The following HIBCH variants were observed in gnomAD, a reference collection of about 807,000 sequenced individuals.
HIBCH encodes the protein 3-hydroxyisobutyryl-CoA hydrolase.
A neutral mutation model predicts 58.2 loss-of-function variants in HIBCH; 50 were observed. The ratio of observed to expected loss-of-function variants is 0.86; its 90% CI spans 0.68 to 1.09. The LOEUF is 1.09. HIBCH is among the 50% of genes least tolerant of loss of function. The pLI, the probability that HIBCH is intolerant of heterozygous loss-of-function variation, is 0.00. For missense variants in HIBCH, 450 were observed against 449.7 expected, an observed-to-expected ratio of 1.00 and a Z score of -0.01; for synonymous variants, 151 against 146.9, an observed-to-expected ratio of 1.03 and a Z score of -0.20.
chr2:190,228,144 A>T (rs907354342), intron 11 of HIBCH, among the ~76,000 whole-genome samples: 1 of 152,148 alleles, frequency 6.6e-6, no homozygotes, highest in Admixed American at 6.5e-5. Context: ...AAGACTTGGA[A>T]CCAACCCAAA....
downstream of HIBCH, chr2:190,200,267 A>AATGTCACTATTATAAGAACAACTAGG (rs1690188944): frequency 1.3e-6 from 1 of 787,318 alleles, no homozygotes; most frequent in African/African-American, 1.7e-5. Context: ...TGTCTACGAT[A>AATGTCACTATTATAAGAACAACTAGG]ATGTCACTAT....
intron 6 of HIBCH, chr2:190,280,126 C>T (rs1263235859): frequency 2.6e-5 from 4 of 152,186 alleles, no homozygotes; most frequent in African/African-American, 9.7e-5. Context: ...TTCTAACATT[C>T]CCATTCTAAA....
chr2:190,319,624 T>C (rs367993110), intron 1 of HIBCH, 92 bp downstream of exon 1: 27 of 1,143,874 alleles, frequency 2.4e-5, no homozygotes, highest in Middle Eastern at 1.9e-4. Flanking sequence ...GACTCGAAAC[T>C]TCGAGGCCAG....
chr2:190,253,259 G>A (rs1256643418), intron 7 of HIBCH, among the ~76,000 whole-genome samples: 1 of 152,078 alleles, frequency 6.6e-6, no homozygotes, highest in Non-Finnish European at 1.5e-5. Context: ...TCCTTTGGGT[G>A]TTTAAGATCT....
At chr2:190,229,577 G>A (rs979410680) in intron 11 of HIBCH, among the ~76,000 whole-genome samples, 4 of 152,180 alleles carry the variant, frequency 2.6e-5, no homozygotes, top group African/African-American at 9.7e-5. Context: ...AACCAATGAA[G>A]TAATATTCAA....
At chr2:190,220,381 T>C (rs1685682661) in intron 11 of HIBCH, 1 of 152,142 alleles carries the variant, frequency 6.6e-6, no homozygotes, top group Admixed American at 6.5e-5. Context: ...AGTAAATGGA[T>C]AGAACAGTAT....
rs1193378904 is a variant in HIBCH, at chr2:190,304,668, T to G, written c.78+6086A>C. Among the ~76,000 whole-genome samples, 1 of 152,204 alleles carries G rather than the reference T, an allele frequency of 6.6e-6. No homozygotes were observed. Among genetic ancestry groups the G allele is most frequent in the Admixed American group, 6.5e-5 (1 of 15,290 alleles). On this transcript the variant is annotated intron_variant, in intron 2 of 13. Coordinates refer to ENST00000359678, the MANE Select transcript of HIBCH (RefSeq NM_014362.4). The surrounding 1 kb of genome is among the most constrained non-coding windows in gnomAD (Gnocchi z 4.1). The stretch of plus-strand genomic sequence containing the variant: ...ATAGTAAGAATAGTAGGCAGTTTGC[T>G]AGGGCTGCCATAACAAAGTACCACA...
intron 11 of HIBCH, among the ~76,000 whole-genome samples, chr2:190,224,714 T>C (rs561360207): frequency 5.4e-4 from 82 of 152,230 alleles, no homozygotes; most frequent in South Asian, 1.0e-3. Context: ...CTGTCAACAT[T>C]AGGCAGATCA....
chr2:190,272,674 CTCAGAA>C (rs1687430631), intron 6 of HIBCH, among the ~76,000 whole-genome samples: 1 of 151,934 alleles, frequency 6.6e-6, no homozygotes, highest in South Asian at 2.1e-4. Flanking sequence ...CCCTGTAGAT[CTCAGAA>C]TCTGTAAGTT....
At chr2:190,253,950 C>T (rs989420349) in intron 7 of HIBCH, among the ~76,000 whole-genome samples, 3 of 152,070 alleles carry the variant, frequency 2.0e-5, no homozygotes, top group Non-Finnish European at 4.4e-5. Flanking sequence ...TCTCTTTTCT[C>T]CCCCTTCCCC....
chr2:190,269,621 G>A (rs540019888), intron 6 of HIBCH, among the ~76,000 whole-genome samples: 14 of 152,336 alleles, frequency 9.2e-5, no homozygotes, highest in African/African-American at 3.1e-4. Context: ...TACACTGCTG[G>A]TGGGAGTGTA....
intron 1 of HIBCH, among the ~76,000 whole-genome samples, chr2:190,319,018 T>C (rs1430682223): frequency 6.6e-6 from 1 of 152,120 alleles, no homozygotes; most frequent in Non-Finnish European, 1.5e-5. Flanking sequence ...CGTCCTTATT[T>C]TAAAGAAATA....
chr2:190,221,070 C>G (rs1189266297), intron 11 of HIBCH, among the ~76,000 whole-genome samples: 1 of 149,058 alleles, frequency 6.7e-6, no homozygotes, highest in Non-Finnish European at 1.5e-5. Flanking sequence ...CGCACAGGAC[C>G]CGTTTATCTG....
chr2:190,281,048 C>G lies in HIBCH; in HGVS notation c.438+6538G>C, dbSNP rs546537539. 2.0e-5 allele frequency: 3 copies of G among 152,402 alleles called. 1 individual carries two copies. The South Asian group carries it at 6.2e-4, about 32-fold the overall frequency. 9.4% of individuals were successfully genotyped at this position (152,402 alleles called of 1,614,324 possible). A position where few individuals can be genotyped will look rare whatever the true frequency, so the allele number is the denominator to read the frequency against. On this transcript the variant is annotated intron_variant, in intron 6 of 13. Transcript: ENST00000359678. The surrounding 1 kb of genome is among the most constrained non-coding windows in gnomAD (Gnocchi z 5.4). ...ACTAACAAGCCCACACTTCAGCTCT[C>G]TACAGTTGAAGTTGCAAACTGGTGC... is the stretch of plus-strand genomic sequence containing the variant.
intron 11 of HIBCH, among the ~76,000 whole-genome samples, chr2:190,238,059 T>A (rs1159613818): frequency 6.6e-6 from 1 of 152,220 alleles, no homozygotes; most frequent in African/African-American, 2.4e-5. Context: ...ATTTTCTTTA[T>A]CCAGTCTCTC....
chr2:190,226,669 T>A (rs564061097), intron 11 of HIBCH, among the ~76,000 whole-genome samples: 1 of 151,406 alleles, frequency 6.6e-6, no homozygotes, highest in Non-Finnish European at 1.5e-5. Context: ...GATTGTATAT[T>A]TAGAAAACCC....
chr2:190,230,800 T>C (rs1559023004), intron 11 of HIBCH, among the ~76,000 whole-genome samples: 3 of 152,350 alleles, frequency 2.0e-5, no homozygotes, highest in African/African-American at 4.8e-5. Context: ...TATAAACTTT[T>C]CCAGAGAACA....
At chr2:190,295,413 A>T (rs966801064) in intron 3 of HIBCH, among the ~76,000 whole-genome samples, 1 of 152,170 alleles carries the variant, frequency 6.6e-6, no homozygotes, top group East Asian at 1.9e-4. Flanking sequence ...AAAGTAATTA[A>T]TTTTTCCCAT....
chr2:190,287,586 C>T lies in HIBCH; in HGVS notation c.438G>A (p.Gly146=). The T allele has an allele frequency of 1.3e-6, 2 of 1,599,264 alleles. No homozygotes were observed. The highest frequency in any genetic ancestry group is 2.2e-5 in the East Asian group (1 of 44,718). ...VALIHGITMG[G]GVGLSVHGQF... The stretch of plus-strand genomic sequence containing the variant: ...TGATCAGAGTAAAAAGTCTACTTAC[C>T]CCACCCATTGTAATTCCATGAATAA... The change falls in exon 6 of 14, where the codon GGG becomes GGA. Residue 146 remains glycine, a splice_region_variant and synonymous_variant. Coordinates refer to ENST00000359678, the MANE Select transcript of HIBCH (RefSeq NM_014362.4).
Sources: gnomAD v4.1 joint callset for allele counts (sites outside exome capture counted in the v4.1 genomes callset) on GRCh38, gnomAD v4.1.1 for gene constraint, Gnocchi (gnomAD v3.1) non-coding constraint, MANE v1.5 for transcripts, NCBI Gene and HGNC (gene_info 2026-07-23, HGNC 2026-07-21) for gene names.